The following GGACT variants were observed in gnomAD, a reference collection of about 807,000 sequenced individuals.
GGACT encodes the protein gamma-glutamylamine cyclotransferase.
For missense variants in GGACT, 241 were observed against 233.2 expected (o/e 1.03, Z -0.22); for synonymous variants, 118 against 115.3 (o/e 1.02, Z -0.15).
At position 100,530,447 on chromosome 13, in the gene GGACT, C is replaced by CCTTT. The variant is rs1366947374; in HGVS notation, c.*1679_*1682dup. On this transcript the variant is annotated 3_prime_UTR_variant, in exon 3 of 3. Coordinates refer to ENST00000683975, the MANE Select transcript of GGACT (RefSeq NM_001195087.2). ...AGCATTTGTCTAAATATTAGTTTGC[C>CCTTT]CTTTCTTTGAATGAAGACAATGTAC... 2 of 528,042 alleles carry CCTTT rather than the reference C, an allele frequency of 3.8e-6. No individual in the cohort carries two copies. Among genetic ancestry groups the CCTTT allele is most frequent in the Non-Finnish European group, 6.8e-6 (2 of 292,428 alleles). 32.7% of individuals were successfully genotyped at this position (528,042 alleles called of 1,614,324 possible).
intron 2 of GGACT, among the ~76,000 whole-genome samples, chr13:100,563,386 TG>T (rs1376350177): frequency 1.3e-5 from 2 of 152,206 alleles, no homozygotes; most frequent in Admixed American, 6.5e-5. Context: ...GAAAATGTTC[TG>T]GAACTAGACA....
chr13:100,573,894 A>AAC (rs113196451), intron 2 of GGACT, among the ~76,000 whole-genome samples: 40,769 of 150,578 alleles, frequency 0.27, 6,026 homozygotes, highest in African/African-American at 0.36. Context: ...CAAAAAAAAA[A>AAC]AAAAAACATG....
At chr13:100,544,846 T>C (rs1566530826) in intron 2 of GGACT, among the ~76,000 whole-genome samples, 1 of 152,134 alleles carries the variant, frequency 6.6e-6, no homozygotes, top group Non-Finnish European at 1.5e-5. Context: ...CTGCTTCAAG[T>C]ATGGAAAGGA....
At chr13:100,566,416 C>A (rs1425853571) in intron 2 of GGACT, among the ~76,000 whole-genome samples, 7 of 152,240 alleles carry the variant, frequency 4.6e-5, no homozygotes, top group Admixed American at 3.9e-4. Context: ...ACTCTTCACT[C>A]CTCAGCACTC....
At position 100,532,175 on chromosome 13, in the gene GGACT, G is replaced by A. The variant is rs1466741585; in HGVS notation, c.417C>T (p.Ser139=). 4 of 1,462,952 alleles carry A rather than the reference G, an allele frequency of 2.7e-6. No individual in the cohort carries two copies. The highest frequency in any genetic ancestry group is 3.6e-4 in the Middle Eastern group (2 of 5,566). 90.6% of individuals were successfully genotyped at this position (1,462,952 alleles called of 1,614,324 possible). A position where few individuals can be genotyped will look rare whatever the true frequency, so the allele number is the denominator to read the frequency against. Reference sequence around the variant, plus strand: ...TGTAGCGCAGCCCGTGCGGCCCCTCGGAGTCGTAGCTGTCATGGTGCGGGA... The same window carrying A: ...TGTAGCGCAGCCCGTGCGGCCCCTCAGAGTCGTAGCTGTCATGGTGCGGGA... ...AQLPHHDSYD[S]EGPHGLRYNP... The change falls in exon 3 of 3, where the codon TCC becomes TCT. Residue 139 remains serine (S), a synonymous_variant. Coordinates refer to ENST00000683975, the MANE Select transcript of GGACT (RefSeq NM_001195087.2).
intron 2 of GGACT, among the ~76,000 whole-genome samples, chr13:100,570,638 C>T (rs1430245476): frequency 1.3e-5 from 2 of 152,120 alleles, no homozygotes; most frequent in Non-Finnish European, 2.9e-5. Flanking sequence ...CCTTACCCAT[C>T]CTCTAGGTTT....
chr13:100,587,329 C>A (rs912075254), intron 1 of GGACT, among the ~76,000 whole-genome samples: 1 of 152,226 alleles, frequency 6.6e-6, no homozygotes, highest in African/African-American at 2.4e-5. Context: ...ACCACCCTCT[C>A]CTAACTAGTA....
intron 2 of GGACT, among the ~76,000 whole-genome samples, chr13:100,574,437 G>A (rs1875190389): frequency 1.3e-5 from 2 of 152,128 alleles, no homozygotes; most frequent in African/African-American, 4.8e-5. Flanking sequence ...TTAGCTGGGT[G>A]TGGTGGTGCA....
intron 2 of GGACT, among the ~76,000 whole-genome samples, chr13:100,543,722 G>T (rs2088576660): frequency 6.6e-6 from 1 of 152,228 alleles, no homozygotes; most frequent in Non-Finnish European, 1.5e-5. Context: ...AAATGATTTA[G>T]ACTTGGGTAG....
chr13:100,556,437 G>A (rs1260972086), intron 2 of GGACT, among the ~76,000 whole-genome samples: 1 of 152,064 alleles, frequency 6.6e-6, no homozygotes, highest in African/African-American at 2.4e-5. Context: ...TGCAAGACCT[G>A]TGCACTGAAA....
intron 2 of GGACT, among the ~76,000 whole-genome samples, chr13:100,553,312 G>A (rs893117477): frequency 6.6e-6 from 1 of 152,188 alleles, no homozygotes; most frequent in African/African-American, 2.4e-5. Flanking sequence ...GTGAATGCAG[G>A]TTCACCAAAA....
intron 2 of GGACT, chr13:100,540,161 C>A: frequency 6.3e-7 from 1 of 1,580,108 alleles, no homozygotes; most frequent in East Asian, 2.2e-5. Context: ...TCCTTGGGCA[C>A]GCATCGGGCA....
chr13:100,580,656 G>C (rs1411100748), intron 2 of GGACT, among the ~76,000 whole-genome samples: 2 of 152,330 alleles, frequency 1.3e-5, no homozygotes, highest in South Asian at 2.1e-4. Flanking sequence ...GATAGCAAAG[G>C]CTGCCTTGGC....
At chr13:100,553,834 A>T (rs2088688214) in intron 2 of GGACT, among the ~76,000 whole-genome samples, 1 of 102,550 alleles carries the variant, frequency 9.8e-6, no homozygotes, top group Non-Finnish European at 1.8e-5. Flanking sequence ...ACGAAGCGAG[A>T]CTCCATCTCA....
chr13:100,574,568 C>T (rs1225760320), intron 2 of GGACT, among the ~76,000 whole-genome samples: 1 of 151,920 alleles, frequency 6.6e-6, no homozygotes, highest in Non-Finnish European at 1.5e-5. Flanking sequence ...AGAGCGAGAC[C>T]CCATCTCAAA....
At chr13:100,551,362 C>G (rs1182970970) in intron 2 of GGACT, among the ~76,000 whole-genome samples, 1 of 152,156 alleles carries the variant, frequency 6.6e-6, no homozygotes, top group African/African-American at 2.4e-5. Context: ...TGCCCCTAAG[C>G]TGTCCAAGCC....
At chr13:100,573,884 C>CAAA (rs34897728) in intron 2 of GGACT, among the ~76,000 whole-genome samples, 1,987 of 119,084 alleles carry the variant, frequency 0.017, 64 homozygotes, top group East Asian at 0.15. Flanking sequence ...ATCAAAAAGT[C>CAAA]AAAAAAAAAA....
intron 1 of GGACT, chr13:100,586,550 A>G (rs1313077286): frequency 7.1e-6 from 1 of 141,370 alleles, no homozygotes; most frequent in Non-Finnish European, 1.5e-5. Context: ...TTGTCTGAAC[A>G]CACTGTCATT....
At chr13:100,585,822 C>CAAA (rs550006144) in intron 1 of GGACT, among the ~76,000 whole-genome samples, 375 of 29,530 alleles carry the variant, frequency 0.013, 51 homozygotes, top group African/African-American at 0.02. Context: ...CTGTCTCCAC[C>CAAA]AAAAAAAAAA....
Sources: allele counts gnomAD v4.1 joint callset (sites outside exome capture counted in the v4.1 genomes callset), GRCh38; gene constraint gnomAD v4.1.1; transcripts MANE v1.5; gene names NCBI Gene and HGNC (gene_info 2026-07-23, HGNC 2026-07-21).